The following FBXO46 variants were observed in gnomAD, a reference collection of about 807,000 sequenced individuals.
The protein encoded by FBXO46 is F-box only protein 46.
Under a neutral mutation model 30.7 loss-of-function variants are expected in FBXO46, and 13 were observed. That is an observed-to-expected ratio of 0.42 (90% CI 0.28 to 0.67). The LOEUF is 0.67. Ranked by LOEUF, FBXO46 falls within the 30% of genes least tolerant of loss-of-function variation. FBXO46 has a pLI of 0.21. For synonymous variants in FBXO46, 467 were observed against 385.8 expected (o/e 1.21, Z -2.47); for missense variants, 754 against 871.5 (o/e 0.87, Z 1.70).
chr19:45,729,097 G>A (rs773261040), intron 1 of FBXO46, among the ~76,000 whole-genome samples: 15 of 150,968 alleles, frequency 9.9e-5, no homozygotes, highest in Non-Finnish European at 1.8e-4. Context: ...GCGAAACTCC[G>A]CCTCAAAAAC....
At chr19:45,723,935 G>T (rs939520176) in intron 1 of FBXO46, among the ~76,000 whole-genome samples, 2 of 152,138 alleles carry the variant, frequency 1.3e-5, no homozygotes, top group Non-Finnish European at 2.9e-5. Context: ...GCTTTTAGGA[G>T]TAAGACAGCT....
At chr19:45,726,769 T>G (rs1968245241) in intron 1 of FBXO46, among the ~76,000 whole-genome samples, 1 of 152,112 alleles carries the variant, frequency 6.6e-6, no homozygotes, top group African/African-American at 2.4e-5. Context: ...CCTCCCAAAG[T>G]GCCAAGATTA....
At chr19:45,723,486 G>C (rs1485042160) in intron 1 of FBXO46, 1 of 152,216 alleles carries the variant, frequency 6.6e-6, no homozygotes, top group Non-Finnish European at 1.5e-5. Context: ...AGGTCACACA[G>C]CTGATGAGAG....
Position 45,710,957 on chromosome 19 carries a change from T to C in FBXO46, c.*727A>G. ...AGCGAGGCAAAGGGCTTCACAGCTT[T>C]ATGGGGGTGGGGTTGATGGCAGTAG... On this transcript the variant is annotated 3_prime_UTR_variant, in exon 2 of 2. Coordinates refer to ENST00000317683, the MANE Select transcript of FBXO46 (RefSeq NM_001080469.2). 1 of 207,586 alleles carries C rather than the reference T, an allele frequency of 4.8e-6. No individual in the cohort carries two copies. The highest frequency in any genetic ancestry group is 6.2e-5 in the South Asian group (1 of 16,168). 12.9% of individuals were successfully genotyped at this position (207,586 alleles called of 1,614,324 possible).
At chr19:45,717,275 C>G (rs535564162) in intron 1 of FBXO46, 1 of 152,174 alleles carries the variant, frequency 6.6e-6, no homozygotes, top group African/African-American at 2.4e-5. Flanking sequence ...CCGCAGCCCC[C>G]CCAGGCGGCG....
chr19:45,724,963 A>AT (rs1034188151), intron 1 of FBXO46, among the ~76,000 whole-genome samples: 5 of 150,878 alleles, frequency 3.3e-5, no homozygotes, highest in Non-Finnish European at 4.4e-5. Flanking sequence ...CAACAACAAA[A>AT]TTTTTTTTTT....
intron 1 of FBXO46, among the ~76,000 whole-genome samples, chr19:45,722,069 C>T (rs1276844537): frequency 6.6e-6 from 1 of 152,064 alleles, no homozygotes; most frequent in Non-Finnish European, 1.5e-5. Flanking sequence ...GATGATCCAC[C>T]CACTTCCCGT....
intron 1 of FBXO46, chr19:45,715,299 A>C: frequency 6.6e-6 from 1 of 152,228 alleles, no homozygotes; most frequent in East Asian, 1.9e-4. Flanking sequence ...AGAGGTCAGC[A>C]AACTATGGCC....
chr19:45,711,662 T>TCTCCC lies in FBXO46; in HGVS notation c.*17_*21dup, dbSNP rs748583229. 212 of 1,510,284 alleles carry TCTCCC rather than the reference T, an allele frequency of 1.4e-4. No homozygotes were observed. In the African/African-American group the frequency reaches 2.4e-3, roughly 17 times the overall value. The allele number at this position is 1,510,284 out of a possible 1,614,324, so 93.6% of individuals were successfully genotyped here. ...GAGGGGAGGGGTGGGCGTGGTGGGC[T>TCTCCC]CTCCCCTCCCCTCCCCCGGCTTCAC... On this transcript the variant is annotated 3_prime_UTR_variant, in exon 2 of 2. Transcript: ENST00000317683.
Position 45,713,752 on chromosome 19 carries a change from G to A in FBXO46, c.-78-179C>T, listed in dbSNP as rs1343692325. On this transcript the variant is annotated intron_variant, in intron 1 of 1. Transcript: ENST00000317683. The surrounding 1 kb of genome is among the most constrained non-coding windows in gnomAD (Gnocchi z 4.7). ...GGAGGCTGAGGTGGGCAGATCACCT[G>A]AGGTCAGGAGTTTGAGACCAGCCTG... 6.6e-6 allele frequency among the ~76,000 whole-genome samples: 1 copy of A among 152,098 alleles called. No homozygotes were observed. The highest frequency in any genetic ancestry group is 1.9e-4 in the East Asian group (1 of 5,184).
intron 1 of FBXO46, among the ~76,000 whole-genome samples, chr19:45,722,951 G>A (rs1425181990): frequency 6.6e-6 from 1 of 152,138 alleles, no homozygotes; most frequent in Non-Finnish European, 1.5e-5. Context: ...CTACTCGGGA[G>A]GCAAAGGCAG....
rs929914707 is a variant in FBXO46, at chr19:45,711,219, G to A, written c.*465C>T. 10 of 425,764 alleles carry A rather than the reference G, an allele frequency of 2.3e-5. No individual in the cohort carries two copies. In the East Asian group the frequency reaches 7.0e-4, roughly 30 times the overall value. 26.4% of individuals were successfully genotyped at this position (425,764 alleles called of 1,614,324 possible). ...CCTAGAGAGGTGAGAGCTGTCGTGT[G>A]GCAGGTTAGGAGAGGTGCCAACCTT... is the stretch of plus-strand genomic sequence containing the variant. On this transcript the variant is annotated 3_prime_UTR_variant, in exon 2 of 2. Coordinates refer to ENST00000317683, the MANE Select transcript of FBXO46 (RefSeq NM_001080469.2).
In FBXO46 at chr19:45,713,344, G is replaced by T. The variant is rs1226936173; in HGVS notation, c.152C>A (p.Ala51Asp). Residue 51 changes from alanine to aspartate, a missense_variant, in exon 2 of 2, where the codon GCC (alanine) becomes GAC (aspartate). By Grantham distance (126) the Ala-to-Asp change is moderately radical. Around this residue, in one of 5 missense-constraint regions of FBXO46, gnomAD observed 97 missense variants for 113.0 expected, o/e 0.86. Transcript: ENST00000317683. The surrounding 1 kb of genome is among the most constrained non-coding windows in gnomAD (Gnocchi z 4.7). ...GGCGGGTGGTGTGTTCTCTGAGTGG[G>T]CAGGCCCATGGTCTGGCTCGGCCCC... is the stretch of plus-strand genomic sequence containing the variant. ...GGGAEPDHGP[A>D]HSENTPPALA... is the part of the protein sequence containing the mutation. 1.7e-5 allele frequency: 28 copies of T among 1,612,930 alleles called. No homozygotes were observed. Among genetic ancestry groups the T allele is most frequent in the Non-Finnish European group, 2.4e-5 (28 of 1,179,516 alleles).
chr19:45,731,878 G>A (rs1968320141), upstream of FBXO46, among the ~76,000 whole-genome samples: 1 of 151,650 alleles, frequency 6.6e-6, no homozygotes, highest in African/African-American at 2.4e-5. Flanking sequence ...AGCACTTTGG[G>A]AGGCCGAGGC....
At chr19:45,728,961 A>G (rs1320015123) in intron 1 of FBXO46, among the ~76,000 whole-genome samples, 1 of 151,370 alleles carries the variant, frequency 6.6e-6, no homozygotes, top group Non-Finnish European at 1.5e-5. Flanking sequence ...AAAATACAAA[A>G]TTAACCAGAC....
chr19:45,715,116 A>G (rs1407936295), intron 1 of FBXO46: 1 of 152,180 alleles, frequency 6.6e-6, no homozygotes, highest in Admixed American at 6.5e-5. Flanking sequence ...CTTGATGTGA[A>G]TGACCTAATC....
rs370353061 is a variant in FBXO46, at chr19:45,713,214, G to T, written c.282C>A (p.Pro94=). 3 of 1,613,928 alleles carry T rather than the reference G, an allele frequency of 1.9e-6. No homozygotes were observed. The highest frequency in any genetic ancestry group is 1.1e-5 in the South Asian group (1 of 91,084). The change falls in exon 2 of 2, where the codon CCC becomes CCA. Residue 94 remains proline (P), a synonymous_variant. Coordinates refer to ENST00000317683, the MANE Select transcript of FBXO46 (RefSeq NM_001080469.2). The surrounding 1 kb of genome is among the most constrained non-coding windows in gnomAD (Gnocchi z 4.7). ...VLLDTWYVIK[P]GNTKEKVAFF... is the part of the protein sequence containing the mutation. ...AGGCCACCTTCTCCTTTGTATTCCC[G>T]GGCTTGATGACATACCACGTGTCCA...
chr19:45,729,551 G>A (rs1010173268), intron 1 of FBXO46, among the ~76,000 whole-genome samples: 3 of 152,270 alleles, frequency 2.0e-5, no homozygotes, highest in Non-Finnish European at 4.4e-5. Flanking sequence ...AGTATGGAGA[G>A]AGGACTAAAT....
chr19:45,723,422 G>C (rs1968199242), intron 1 of FBXO46: 1 of 152,156 alleles, frequency 6.6e-6, no homozygotes, highest in South Asian at 2.1e-4. Context: ...GGGAATGAAC[G>C]CTAATTTTCC....
Sources: gnomAD v4.1 joint callset for allele counts (sites outside exome capture counted in the v4.1 genomes callset) on GRCh38, gnomAD v4.1.1 for gene constraint, gnomAD v4.1.1 regional missense constraint, Gnocchi (gnomAD v3.1) non-coding constraint, MANE v1.5 for transcripts, NCBI Gene and HGNC (gene_info 2026-07-23, HGNC 2026-07-21) for gene names.